The following NBAS variants were observed in gnomAD, a reference collection of about 807,000 sequenced individuals.
The protein encoded by NBAS is NBAS subunit of NRZ tethering complex.
A neutral mutation model predicts 302.5 loss-of-function variants in NBAS; 219 were observed. The observed-to-expected ratio is 0.72, with a 90% CI of 0.65 to 0.81. NBAS has a LOEUF of 0.81. NBAS is among the 30% of genes least tolerant of loss of function. NBAS has a pLI of 0.00. For missense variants in NBAS, 2,932 were observed against 2,841.6 expected (o/e 1.03, Z -0.72); for synonymous variants, 1,118 against 1,021.6 (o/e 1.09, Z -1.80).
chr2:15,362,180 T>C (rs1482667600), intron 32 of NBAS, among the ~76,000 whole-genome samples: 1 of 149,594 alleles, frequency 6.7e-6, no homozygotes, highest in Non-Finnish European at 1.5e-5. Flanking sequence ...CCCAATCTAT[T>C]CTGAGAAGAT....
intron 51 of NBAS, among the ~76,000 whole-genome samples, chr2:15,171,279 G>C (rs975131738): frequency 6.6e-6 from 1 of 151,994 alleles, no homozygotes; most frequent in African/African-American, 2.4e-5. Flanking sequence ...GCTGTGTGAC[G>C]GTAATTTGTA....
chr2:15,464,097 A>G (rs1167204600), intron 19 of NBAS, among the ~76,000 whole-genome samples: 1 of 152,164 alleles, frequency 6.6e-6, no homozygotes, highest in African/African-American at 2.4e-5. Flanking sequence ...TCTTCTCTCT[A>G]CTTCTTTGAC....
intron 12 of NBAS, among the ~76,000 whole-genome samples, 186 bp from the exon 13 acceptor site, chr2:15,478,475 G>A (rs1023527873): frequency 1.3e-5 from 2 of 152,128 alleles, no homozygotes; most frequent in African/African-American, 4.8e-5. Context: ...CTTAAAATGT[G>A]CACATGTACA....
At chr2:14,821,785 G>T in the NBAS span, among the ~76,000 whole-genome samples, 1 of 152,036 alleles carries the variant, frequency 6.6e-6, no homozygotes, top group Non-Finnish European at 1.5e-5. Context: ...GGCCGAGGCA[G>T]GTGGGTCACA....
intron 41 of NBAS, among the ~76,000 whole-genome samples, chr2:15,292,282 T>A (rs1201665499): frequency 2.6e-5 from 4 of 152,124 alleles, no homozygotes; most frequent in Admixed American, 2.6e-4. Context: ...ACCACACCCA[T>A]CCAAAAATCA....
At chr2:14,795,736 T>G in the NBAS span, among the ~76,000 whole-genome samples, 4 of 152,176 alleles carry the variant, frequency 2.6e-5, no homozygotes, top group African/African-American at 9.7e-5. Context: ...GGTTTGGCCT[T>G]CTGTGCACCG....
intron 35 of NBAS, among the ~76,000 whole-genome samples, chr2:15,332,993 C>T (rs973970537): frequency 5.9e-5 from 9 of 152,188 alleles, no homozygotes; most frequent in Non-Finnish European, 1.3e-4. Flanking sequence ...ACAGGCTCTG[C>T]CCTCAAGGAG....
chr2:15,232,449 G>A lies in NBAS; in HGVS notation c.6209C>T (p.Ala2070Val). 6.2e-7 allele frequency: 1 copy of A among 1,614,088 alleles called. No homozygotes were observed. The highest frequency in any genetic ancestry group is 8.5e-7 in the Non-Finnish European group (1 of 1,180,014). ...CTTGTCCACACTGGCGTGGACTGCT[G>A]CAACAACACCTTCCAGGACCTTCAG... The part of the protein sequence containing the change: ...DPLKVLEGVV[A>V]AVHASVDKGE... The change falls in exon 47 of 52, where the codon GCA becomes GTA. Residue 2070 changes from alanine to valine, a missense_variant. Ala to Val is a moderately conservative substitution (Grantham distance 64, BLOSUM62 0). Coordinates refer to ENST00000281513, the MANE Select transcript of NBAS (RefSeq NM_015909.4).
At chr2:15,065,160 A>G in the NBAS span, among the ~76,000 whole-genome samples, 2 of 152,154 alleles carry the variant, frequency 1.3e-5, no homozygotes, top group Admixed American at 1.3e-4. Flanking sequence ...CGATATATAC[A>G]TATATCAAAA....
intron 32 of NBAS, among the ~76,000 whole-genome samples, chr2:15,359,081 G>A (rs753228689): frequency 1.4e-4 from 22 of 152,080 alleles, no homozygotes; most frequent in Non-Finnish European, 1.6e-4. Context: ...CTGTCAGTTC[G>A]CATCAAAAAG....
the NBAS span, among the ~76,000 whole-genome samples, chr2:14,935,911 C>A: frequency 2.0e-5 from 3 of 152,162 alleles, no homozygotes; most frequent in African/African-American, 7.2e-5. Flanking sequence ...CCTGGCCCAC[C>A]CCTAGGTGCC....
the NBAS span, among the ~76,000 whole-genome samples, chr2:14,849,861 T>G: frequency 4.4e-5 from 6 of 136,876 alleles, 1 homozygote; most frequent in African/African-American, 1.0e-4. Context: ...AATAAAATAC[T>G]TTACAGACAA....
intron 51 of NBAS, among the ~76,000 whole-genome samples, chr2:15,175,434 T>C (rs1244561177): frequency 6.6e-6 from 1 of 152,174 alleles, no homozygotes; most frequent in East Asian, 1.9e-4. Flanking sequence ...ATTTTCAGCA[T>C]ACAAAGCCGT....
intron 21 of NBAS, among the ~76,000 whole-genome samples, chr2:15,459,570 C>A (rs985283208): frequency 6.8e-6 from 1 of 146,042 alleles, no homozygotes; most frequent in African/African-American, 2.5e-5. Context: ...AGCTCTGTCT[C>A]CTGGGTTCAC....
intron 48 of NBAS, among the ~76,000 whole-genome samples, chr2:15,198,111 G>A (rs944585854): frequency 2.0e-5 from 3 of 152,206 alleles, no homozygotes; most frequent in African/African-American, 7.2e-5. Flanking sequence ...ACCACAGGAA[G>A]AAAGTGTCAG....
At chr2:15,543,220 G>A (rs10184798) in intron 6 of NBAS, among the ~76,000 whole-genome samples, 17,344 of 152,056 alleles carry the variant, frequency 0.11, 2,906 homozygotes, top group African/African-American at 0.37. Context: ...AAATCTGCCC[G>A]GTTGCCAAGC....
the NBAS span, among the ~76,000 whole-genome samples, chr2:14,847,420 G>T: frequency 8.8e-6 from 1 of 114,284 alleles, no homozygotes; most frequent in African/African-American, 3.2e-5. Flanking sequence ...CAAATAGACT[G>T]AAAATAAAGG....
rs779059501 is a variant in NBAS at position 15,379,672 on chromosome 2, C to G, written c.3520G>C (p.Val1174Leu). 1.2e-6 allele frequency: 2 copies of G among 1,614,010 alleles called. No individual in the cohort carries two copies. The highest frequency in any genetic ancestry group is 1.7e-6 in the Non-Finnish European group (2 of 1,179,980). The change falls in exon 30 of 52, where the codon GTT (valine) becomes CTT (leucine). Residue 1174 changes from valine (V) to leucine (L), a missense_variant. Transcript: ENST00000281513. ...RVSYEKSIDL[V>L]LAASREYFNS... is the part of the protein sequence containing the mutation. The stretch of plus-strand genomic sequence containing the variant: ...AAGTACTCTCTGCTGGCAGCCAAAA[C>G]CAAGTCAATACTCTTTTCGTAGCTG...
intron 28 of NBAS, among the ~76,000 whole-genome samples, chr2:15,388,113 C>T (rs1052259271): frequency 2.6e-5 from 4 of 152,156 alleles, no homozygotes; most frequent in African/African-American, 9.7e-5. Context: ...AGAATTGACA[C>T]CTTTCCACTA....
Sources: allele counts gnomAD v4.1 joint callset (sites outside exome capture counted in the v4.1 genomes callset), GRCh38; gene constraint gnomAD v4.1.1; transcripts MANE v1.5; gene names NCBI Gene and HGNC (gene_info 2026-07-23, HGNC 2026-07-21).